Variants in RAB11FIP4 observed in about 807,000 individuals in gnomAD.
RAB11FIP4 encodes the protein rab11 family-interacting protein 4.
A neutral mutation model predicts 74.3 loss-of-function variants in RAB11FIP4; 23 were observed. The observed-to-expected ratio is 0.31, with a 90% CI of 0.22 to 0.44. The LOEUF (loss-of-function observed/expected upper bound fraction) is 0.44, where lower values mean the gene tolerates loss of function less well. RAB11FIP4 is among the 20% of genes least tolerant of loss of function. The probability of loss-of-function intolerance (pLI) is 1.00; values close to 1 mark genes in which losing one functional copy is unlikely to be tolerated. For synonymous variants in RAB11FIP4, 360 were observed against 359.9 expected, an observed-to-expected ratio of 1.00 and a Z score of 0.00; for missense variants, 630 against 863.9, an observed-to-expected ratio of 0.73 and a Z score of 3.39.
intron 3 of RAB11FIP4, among the ~76,000 whole-genome samples, chr17:31,485,203 GTGGAA>G (rs2071889474): frequency 6.6e-6 from 1 of 152,234 alleles, no homozygotes; most frequent in Non-Finnish European, 1.5e-5. Flanking sequence ...CCCTTGATAA[GTGGAA>G]CCGGGCAGGC....
At chr17:31,507,604 C>T (rs568220194) in intron 3 of RAB11FIP4, among the ~76,000 whole-genome samples, 7 of 152,010 alleles carry the variant, frequency 4.6e-5, no homozygotes, top group Non-Finnish European at 8.8e-5. Context: ...AGTCATCTGT[C>T]CTTTTGGATG....
At chr17:31,525,829 A>C (rs1296052730) in intron 10 of RAB11FIP4, 1 of 152,794 alleles carries the variant, frequency 6.5e-6, no homozygotes, top group African/African-American at 2.4e-5. Flanking sequence ...TGCCTCTGTG[A>C]TGAAGCCCCT....
At chr17:31,463,781 G>A (rs1322330857) in intron 3 of RAB11FIP4, among the ~76,000 whole-genome samples, 1 of 144,210 alleles carries the variant, frequency 6.9e-6, no homozygotes, top group Admixed American at 7.1e-5. Flanking sequence ...TGGGATTACA[G>A]GTGTGAGCCA....
intron 1 of RAB11FIP4, among the ~76,000 whole-genome samples, chr17:31,402,984 T>TA (rs1211317711): frequency 6.6e-6 from 1 of 152,066 alleles, no homozygotes; most frequent in Non-Finnish European, 1.5e-5. Flanking sequence ...ATCTGTAAAA[T>TA]AGAGGTCATA....
rs2072940256 is a variant in RAB11FIP4, at chr17:31,535,297, C to T, written c.*3565C>T. 6.6e-6 allele frequency: 1 copy of T among 150,804 alleles called. No homozygotes were observed. Among genetic ancestry groups the T allele is most frequent in the Non-Finnish European group, 1.5e-5 (1 of 67,878 alleles). The allele number at this position is 150,804 out of a possible 1,614,324, so 9.3% of individuals were successfully genotyped here. A position where few individuals can be genotyped will look rare whatever the true frequency, so the allele number is the denominator to read the frequency against. On this transcript the variant is annotated 3_prime_UTR_variant, in exon 15 of 15. Coordinates refer to ENST00000621161, the MANE Select transcript of RAB11FIP4 (RefSeq NM_032932.6). ...AAAAAAAAAAGCTCAAGAACCTGCA[C>T]GAGGGCCTAAAACAGTGGGCTCAGC...
intron 3 of RAB11FIP4, among the ~76,000 whole-genome samples, chr17:31,455,277 G>T (rs1028594057): frequency 2.0e-5 from 3 of 152,122 alleles, no homozygotes; most frequent in Admixed American, 1.3e-4. Context: ...ATTCTGGGAA[G>T]GTAGCTAGGA....
chr17:31,463,751 G>A (rs573504814), intron 3 of RAB11FIP4, among the ~76,000 whole-genome samples: 7 of 141,934 alleles, frequency 4.9e-5, no homozygotes, highest in East Asian at 2.2e-4. Context: ...GTGATCGCTC[G>A]CCTAGGCCTC....
At chr17:31,462,943 A>G (rs1174914755) in intron 3 of RAB11FIP4, among the ~76,000 whole-genome samples, 1 of 151,962 alleles carries the variant, frequency 6.6e-6, no homozygotes, top group African/African-American at 2.4e-5. Flanking sequence ...GCCTCATACC[A>G]TCTTCTTGAA....
chr17:31,491,807 C>G (rs1417409477), intron 3 of RAB11FIP4, among the ~76,000 whole-genome samples: 1 of 152,208 alleles, frequency 6.6e-6, no homozygotes, highest in African/African-American at 2.4e-5. Flanking sequence ...TTCTCAGAGC[C>G]TCCGCGTCGA....
At chr17:31,419,036 G>A (rs2071174622) in intron 1 of RAB11FIP4, among the ~76,000 whole-genome samples, 1 of 152,182 alleles carries the variant, frequency 6.6e-6, no homozygotes, top group Non-Finnish European at 1.5e-5. Flanking sequence ...CATACAGTTT[G>A]TAACCTTTGG....
chr17:31,522,562 G>GA lies in RAB11FIP4; in HGVS notation c.929+172dup, dbSNP rs79924584. 1.6e-4 allele frequency: 102 copies of GA among 633,402 alleles called. No homozygotes were observed. In the East Asian group the frequency reaches 2.3e-3, roughly 14 times the overall value. 39.2% of individuals were successfully genotyped at this position (633,402 alleles called of 1,614,324 possible). A position where few individuals can be genotyped will look rare whatever the true frequency, so the allele number is the denominator to read the frequency against. ...GTGCAGCCAGGGCAGCGTCACTTCT[G>GA]AAAAAGAGGGGCCAGCTCCTCCCTG... On this transcript the variant is annotated intron_variant, in intron 7 of 14. Transcript: ENST00000621161.
chr17:31,398,426 G>T (rs963971261), intron 1 of RAB11FIP4, among the ~76,000 whole-genome samples: 1 of 152,194 alleles, frequency 6.6e-6, no homozygotes, highest in African/African-American at 2.4e-5. Context: ...GAGTTCTAGA[G>T]AAGGAGGAAA....
intron 1 of RAB11FIP4, among the ~76,000 whole-genome samples, chr17:31,402,037 A>G (rs1018763227): frequency 3.5e-4 from 53 of 152,126 alleles, no homozygotes; most frequent in African/African-American, 1.3e-3. Flanking sequence ...CCATCCATAT[A>G]TACCCAACCA....
intron 3 of RAB11FIP4, among the ~76,000 whole-genome samples, chr17:31,481,263 T>C (rs1414035489): frequency 6.6e-6 from 1 of 152,064 alleles, no homozygotes; most frequent in Non-Finnish European, 1.5e-5. Flanking sequence ...GCTTCCACCG[T>C]GACATTCGGA....
rs148139199 is a variant in RAB11FIP4 at position 31,510,125 on chromosome 17, C to G, written c.337-7526C>G. Among the ~76,000 whole-genome samples, 43 of 152,292 alleles carry G rather than the reference C, an allele frequency of 2.8e-4. No individual in the cohort carries two copies. In the East Asian group the frequency reaches 7.9e-3, roughly 28 times the overall value. On this transcript the variant is annotated intron_variant, in intron 3 of 14. Transcript: ENST00000621161. ...CAAGCCACAGTGGGGTGTGGAAGACCCCAGCCCTAGCAATCACATCCCTTC... is the reference window on the plus strand; with the variant it reads ...CAAGCCACAGTGGGGTGTGGAAGACGCCAGCCCTAGCAATCACATCCCTTC...
intron 10 of RAB11FIP4, chr17:31,527,067 G>A (rs1042024106): frequency 6.6e-6 from 1 of 152,320 alleles, no homozygotes; most frequent in African/African-American, 2.4e-5. Context: ...GGTCATCAGA[G>A]GGAGGTGCAG....
In RAB11FIP4 at chr17:31,398,572, G is replaced by A. The variant is rs372917803; in HGVS notation, c.159+6561G>A. On this transcript the variant is annotated intron_variant, in intron 1 of 14. Transcript: ENST00000621161. The stretch of plus-strand genomic sequence containing the variant: ...TTCCCATCAGCAAGACGTGCCCTCC[G>A]AGGGATATCAGTGGGTAGAGAACCT... 3.9e-5 allele frequency among the ~76,000 whole-genome samples: 6 copies of A among 152,204 alleles called. No homozygotes were observed. In the East Asian group the frequency reaches 5.8e-4, roughly 15 times the overall value.
chr17:31,515,105 G>T (rs949163402), intron 3 of RAB11FIP4, among the ~76,000 whole-genome samples: 3 of 152,194 alleles, frequency 2.0e-5, no homozygotes, highest in Admixed American at 6.5e-5. Context: ...TCACTGCCCT[G>T]AAGAGCTGTC....
At chr17:31,491,178 T>C (rs771709867) in intron 3 of RAB11FIP4, among the ~76,000 whole-genome samples, 1 of 152,230 alleles carries the variant, frequency 6.6e-6, no homozygotes, top group Non-Finnish European at 1.5e-5. Flanking sequence ...TGCCCCTGAA[T>C]GGTACCACAG....
Sources: allele counts gnomAD v4.1 joint callset (sites outside exome capture counted in the v4.1 genomes callset), GRCh38; gene constraint gnomAD v4.1.1; transcripts MANE v1.5; gene names NCBI Gene and HGNC (gene_info 2026-07-23, HGNC 2026-07-21).